Variants in HS3ST4 observed in about 807,000 individuals in gnomAD.
The protein encoded by HS3ST4 is heparan sulfate-glucosamine 3-sulfotransferase 4, also known as heparan sulfate glucosamine 3-O-sulfotransferase 4.
A neutral mutation model predicts 29.2 loss-of-function variants in HS3ST4; 17 were observed. The observed-to-expected ratio is 0.58, with a 90% CI of 0.40 to 0.87. The LOEUF is 0.87. HS3ST4 is among the 40% of genes least tolerant of loss of function. The pLI, the probability that HS3ST4 is intolerant of heterozygous loss-of-function variation, is 0.00. For synonymous variants in HS3ST4, 314 were observed against 285.7 expected (o/e 1.10, Z -1.00); for missense variants, 627 against 634.5 (o/e 0.99, Z 0.13).
At chr16:25,996,438 A>C (rs1160118455) in intron 1 of HS3ST4, among the ~76,000 whole-genome samples, 2 of 152,116 alleles carry the variant, frequency 1.3e-5, no homozygotes, top group African/African-American at 4.8e-5. Context: ...TTAGATTTTA[A>C]TCTGCCTGAA....
At chr16:25,926,269 A>G (rs552004048) in intron 1 of HS3ST4, among the ~76,000 whole-genome samples, 1 of 152,282 alleles carries the variant, frequency 6.6e-6, no homozygotes, top group East Asian at 1.9e-4. Context: ...CTGTCTCTGT[A>G]GATTCACCTC....
At chr16:26,021,282 G>C (rs764436451) in intron 1 of HS3ST4, among the ~76,000 whole-genome samples, 1 of 152,096 alleles carries the variant, frequency 6.6e-6, no homozygotes, top group Non-Finnish European at 1.5e-5. Context: ...ATCTTCCTTC[G>C]AAAAGTTAAA....
At chr16:25,708,850 C>T (rs926153427) in intron 1 of HS3ST4, among the ~76,000 whole-genome samples, 1 of 152,134 alleles carries the variant, frequency 6.6e-6, no homozygotes, top group African/African-American at 2.4e-5. Context: ...TTTTCCCATC[C>T]TTCCATTTTT....
chr16:26,004,861 G>A (rs1201135975), intron 1 of HS3ST4, among the ~76,000 whole-genome samples: 1 of 152,106 alleles, frequency 6.6e-6, no homozygotes, highest in African/African-American at 2.4e-5. Flanking sequence ...TTGGTCACTT[G>A]TTTATGCCTG....
chr16:25,949,122 AT>A (rs888980281), intron 1 of HS3ST4, among the ~76,000 whole-genome samples: 2 of 151,604 alleles, frequency 1.3e-5, no homozygotes, highest in African/African-American at 4.9e-5. Flanking sequence ...GGTAAAAGAG[AT>A]TTTTTGATAT....
At chr16:25,809,631 G>T (rs1967022045) in intron 1 of HS3ST4, among the ~76,000 whole-genome samples, 1 of 152,146 alleles carries the variant, frequency 6.6e-6, no homozygotes. Context: ...AACCATCTGG[G>T]TCTGAAGAGT....
At chr16:25,708,075 G>C (rs144225705) in intron 1 of HS3ST4, among the ~76,000 whole-genome samples, 670 of 152,266 alleles carry the variant, frequency 4.4e-3, no homozygotes, top group Middle Eastern at 0.014. Flanking sequence ...AGAGGATCTA[G>C]TCATTGATCC....
At chr16:25,846,649 T>G (rs962997191) in intron 1 of HS3ST4, among the ~76,000 whole-genome samples, 1 of 152,146 alleles carries the variant, frequency 6.6e-6, no homozygotes, top group Non-Finnish European at 1.5e-5. Flanking sequence ...TTCTGTTATA[T>G]TTGTTTATAA....
intron 1 of HS3ST4, among the ~76,000 whole-genome samples, chr16:25,976,180 G>T (rs1049907770): frequency 6.6e-6 from 1 of 152,126 alleles, no homozygotes; most frequent in Non-Finnish European, 1.5e-5. Context: ...ACGTGATCCC[G>T]TATATGACTT....
At chr16:25,857,907 C>T (rs201172874) in intron 1 of HS3ST4, among the ~76,000 whole-genome samples, 8,757 of 54,580 alleles carry the variant, frequency 0.16, 351 homozygotes, top group Non-Finnish European at 0.19. Context: ...TTTCTTCCTT[C>T]CTTCCTTCCT....
At chr16:26,103,492 G>C (rs572989143) in intron 1 of HS3ST4, among the ~76,000 whole-genome samples, 198 of 152,180 alleles carry the variant, frequency 1.3e-3, no homozygotes, top group Admixed American at 4.3e-3. Flanking sequence ...CTCCCCACTG[G>C]CCTCACAAGA....
chr16:25,891,881 G>A (rs903667711), intron 1 of HS3ST4, among the ~76,000 whole-genome samples: 1 of 152,194 alleles, frequency 6.6e-6, no homozygotes, highest in Non-Finnish European at 1.5e-5. Context: ...GTGATGTTGG[G>A]TGAGTCATTT....
At chr16:25,984,501 A>T (rs1245218651) in intron 1 of HS3ST4, among the ~76,000 whole-genome samples, 1 of 152,182 alleles carries the variant, frequency 6.6e-6, no homozygotes, top group African/African-American at 2.4e-5. Context: ...GGCCACTGGC[A>T]GGTACCAGCC....
intron 1 of HS3ST4, among the ~76,000 whole-genome samples, chr16:26,134,201 C>A (rs1037932418): frequency 6.6e-6 from 1 of 151,968 alleles, no homozygotes; most frequent in African/African-American, 2.4e-5. Flanking sequence ...GAGATACTGA[C>A]CCTGGTATGG....
At chr16:25,751,561 G>A (rs1490402780) in intron 1 of HS3ST4, among the ~76,000 whole-genome samples, 1 of 152,122 alleles carries the variant, frequency 6.6e-6, no homozygotes, top group East Asian at 1.9e-4. Context: ...TCTGTGTTTG[G>A]AGTCCCCTTT....
chr16:26,032,062 G>A (rs889892782), intron 1 of HS3ST4, among the ~76,000 whole-genome samples: 1 of 152,100 alleles, frequency 6.6e-6, no homozygotes, highest in Non-Finnish European at 1.5e-5. Flanking sequence ...TTTGACAGGT[G>A]CCATCTCAGT....
intron 1 of HS3ST4, among the ~76,000 whole-genome samples, chr16:25,876,482 G>C: frequency 6.6e-6 from 1 of 152,076 alleles, no homozygotes; most frequent in Non-Finnish European, 1.5e-5. Flanking sequence ...TTGCAAGATG[G>C]TTCTAGCAGC....
chr16:25,844,875 G>C (rs545582951), intron 1 of HS3ST4, among the ~76,000 whole-genome samples: 1 of 152,208 alleles, frequency 6.6e-6, no homozygotes, highest in South Asian at 2.1e-4. Context: ...GCCATAAAAA[G>C]GAACAAGATC....
chr16:26,027,921 C>T (rs1969491504), intron 1 of HS3ST4, among the ~76,000 whole-genome samples: 1 of 152,048 alleles, frequency 6.6e-6, no homozygotes, highest in South Asian at 2.1e-4. Flanking sequence ...AGTCCATCTC[C>T]CAGGAAAGAA....
Sources: gnomAD v4.1 joint callset for allele counts (sites outside exome capture counted in the v4.1 genomes callset) on GRCh38, gnomAD v4.1.1 for gene constraint, MANE v1.5 for transcripts, NCBI Gene and HGNC (gene_info 2026-07-23, HGNC 2026-07-21) for gene names.